FEZ1: variants seen among roughly 807,000 people sequenced by gnomAD.
FEZ1 encodes the protein fasciculation and elongation protein zeta-1.
A neutral mutation model predicts 49.3 loss-of-function variants in FEZ1; 20 were observed. That is an observed-to-expected ratio of 0.41 (90% CI 0.29 to 0.59). The LOEUF (loss-of-function observed/expected upper bound fraction) is 0.59, where lower values mean the gene tolerates loss of function less well. Ranked by LOEUF, FEZ1 falls within the 20% of genes least tolerant of loss-of-function variation. The pLI is 0.36. For missense variants in FEZ1, 413 were observed against 476.0 expected, an observed-to-expected ratio of 0.87 and a Z score of 1.23; for synonymous variants, 170 against 180.9, an observed-to-expected ratio of 0.94 and a Z score of 0.48.
intron 5 of FEZ1, among the ~76,000 whole-genome samples, chr11:125,459,583 T>G (rs1957053543): frequency 1.3e-5 from 2 of 151,740 alleles, no homozygotes; most frequent in African/African-American, 4.8e-5. Flanking sequence ...CAGAGCGAGA[T>G]TCTATCTCTA....
At chr11:125,461,155 C>A (rs183078565) in intron 4 of FEZ1, among the ~76,000 whole-genome samples, 1 of 152,198 alleles carries the variant, frequency 6.6e-6, no homozygotes, top group East Asian at 1.9e-4. Flanking sequence ...ACTGAAGCTG[C>A]CCAGCAACAA....
rs529077674 is a variant in FEZ1 at position 125,445,072 on chromosome 11, C to A, written c.*1023G>T. 6.6e-6 allele frequency among the ~76,000 whole-genome samples: 1 copy of A among 152,162 alleles called. No individual in the cohort carries two copies. The highest frequency in any genetic ancestry group is 2.4e-5 in the African/African-American group (1 of 41,432). ...TGAGATCGAGCCAGCATCCGGGATA[C>A]GAGGAGACCTTCGCCTGCTGGTTGG... On this transcript the variant is annotated 3_prime_UTR_variant, in exon 10 of 10. Coordinates refer to ENST00000278919, the MANE Select transcript of FEZ1 (RefSeq NM_005103.5). This position sits in a 1 kb window ranked among gnomAD's most constrained non-coding sequence, Gnocchi z 4.4.
intron 3 of FEZ1, among the ~76,000 whole-genome samples, chr11:125,470,762 A>C (rs1957176463): frequency 1.3e-5 from 2 of 152,394 alleles, no homozygotes; most frequent in African/African-American, 4.8e-5. Context: ...ATAGAAAATC[A>C]GAATCTTCAG....
chr11:125,492,488 A>G (rs1957391232), intron 1 of FEZ1, among the ~76,000 whole-genome samples: 1 of 152,208 alleles, frequency 6.6e-6, no homozygotes, highest in African/African-American at 2.4e-5. Context: ...CTGAGCAACA[A>G]AAAAGTGAGA....
chr11:125,452,025 G>A (rs887552443), intron 8 of FEZ1, among the ~76,000 whole-genome samples: 2 of 152,222 alleles, frequency 1.3e-5, no homozygotes, highest in African/African-American at 4.8e-5. Flanking sequence ...CAAGCCTTGG[G>A]AACTGCAGGG....
intron 5 of FEZ1, among the ~76,000 whole-genome samples, chr11:125,457,193 A>AAAAT (rs549309992): frequency 2.6e-3 from 392 of 151,038 alleles, no homozygotes; most frequent in African/African-American, 6.8e-3. Context: ...TCTTAAAATA[A>AAAAT]AAATAAATAA....
intron 3 of FEZ1, among the ~76,000 whole-genome samples, chr11:125,481,171 T>C (rs954030334): frequency 6.6e-6 from 1 of 152,126 alleles, no homozygotes; most frequent in African/African-American, 2.4e-5. Context: ...ACTGGATGTC[T>C]TCCTTATTTT....
chr11:125,460,730 T>C, intron 4 of FEZ1, 64 bp from the exon 5 acceptor site: 1 of 1,459,524 alleles, frequency 6.9e-7, no homozygotes, highest in Non-Finnish European at 9.4e-7. Context: ...CTGGCTTGAA[T>C]TTTGATCAGT....
At chr11:125,471,796 C>A (rs1957185202) in intron 3 of FEZ1, among the ~76,000 whole-genome samples, 1 of 152,038 alleles carries the variant, frequency 6.6e-6, no homozygotes, top group Admixed American at 6.6e-5. Flanking sequence ...ACATTACAAC[C>A]AACAATTGCA....
chr11:125,493,553 A>T (rs1489077620), intron 1 of FEZ1, among the ~76,000 whole-genome samples: 1 of 151,684 alleles, frequency 6.6e-6, no homozygotes, highest in Non-Finnish European at 1.5e-5. Flanking sequence ...AAAGAAAGAA[A>T]GGTGATGTGG....
rs1957356783 is a variant in FEZ1 at position 125,489,180 on chromosome 11, G to A, written c.311+287C>T. ...CTGGATTTCCACTGATATAAAGAAA[G>A]CTTAAGATAGACAGACCCTGAAATT... On this transcript the variant is annotated intron_variant, in intron 2 of 9. Transcript: ENST00000278919. The surrounding 1 kb of genome is among the most constrained non-coding windows in gnomAD (Gnocchi z 4.2). 1 of 1,083,104 alleles carries A rather than the reference G, an allele frequency of 9.2e-7. No homozygotes were observed. The highest frequency in any genetic ancestry group is 1.6e-5 in the African/African-American group (1 of 60,826). 67.1% of individuals were successfully genotyped at this position (1,083,104 alleles called of 1,614,324 possible).
chr11:125,493,293 C>T (rs1241064928), intron 1 of FEZ1, among the ~76,000 whole-genome samples: 1 of 149,240 alleles, frequency 6.7e-6, no homozygotes, highest in Non-Finnish European at 1.5e-5. Flanking sequence ...GAGATCATGC[C>T]ATTGCACTCC....
intron 2 of FEZ1, among the ~76,000 whole-genome samples, chr11:125,482,011 G>GAGAGAGAGAGAGAA (rs1957284419): frequency 6.6e-6 from 1 of 151,578 alleles, no homozygotes; most frequent in Non-Finnish European, 1.5e-5. Context: ...TATGGGCAGA[G>GAGAGAGAGAGAGAA]AGAGAGAGAG....
intron 6 of FEZ1, chr11:125,455,443 C>T (rs1340634509): frequency 1.0e-5 from 2 of 191,390 alleles, no homozygotes; most frequent in African/African-American, 2.3e-5. Context: ...ATCACTGAAA[C>T]ACCTTAGCAC....
intron 7 of FEZ1, chr11:125,452,688 A>T: frequency 2.5e-6 from 1 of 392,292 alleles, no homozygotes; most frequent in Admixed American, 4.2e-5. Flanking sequence ...TTTCTCCTTT[A>T]GACTGAAAGC....
rs942962759 is a variant in FEZ1, at chr11:125,489,484, C to T, written c.294G>A (p.Glu98=). Residue 98 remains glutamate, a synonymous_variant, in exon 2 of 10, where the codon GAG becomes GAA. Transcript: ENST00000278919. The surrounding 1 kb of genome is among the most constrained non-coding windows in gnomAD (Gnocchi z 4.2). ...KNQLQIQEEE[E]TLQDEEVWDA... ...CTTCTTACTCCTCGTCCTGAAGGGT[C>T]TCCTCCTCCTCTTGGATCTGTAACT... 6.2e-6 allele frequency: 10 copies of T among 1,612,996 alleles called. No individual in the cohort carries two copies. Among genetic ancestry groups the T allele is most frequent in the Middle Eastern group, 1.6e-4 (1 of 6,076 alleles).
At chr11:125,465,486 C>T (rs73623113) in intron 3 of FEZ1, among the ~76,000 whole-genome samples, 3 of 152,126 alleles carry the variant, frequency 2.0e-5, no homozygotes, top group African/African-American at 4.8e-5. Context: ...TCCCCTCCCC[C>T]TCTCAGGCGC....
chr11:125,462,808 G>A (rs2513090), intron 4 of FEZ1, among the ~76,000 whole-genome samples: 19,541 of 152,026 alleles, frequency 0.13, 1,398 homozygotes, highest in African/African-American at 0.17. Context: ...AGACCAGCCT[G>A]GGCAGCATGG....
chr11:125,492,366 T>C (rs899171668), intron 1 of FEZ1, among the ~76,000 whole-genome samples: 5 of 152,264 alleles, frequency 3.3e-5, no homozygotes, highest in African/African-American at 1.2e-4. Context: ...TGGTTTCCTT[T>C]ACAAGACTAA....
Sources: gnomAD v4.1 joint callset for allele counts (sites outside exome capture counted in the v4.1 genomes callset) on GRCh38, gnomAD v4.1.1 for gene constraint, Gnocchi (gnomAD v3.1) non-coding constraint, MANE v1.5 for transcripts, NCBI Gene and HGNC (gene_info 2026-07-23, HGNC 2026-07-21) for gene names.